Variants in CTDSPL observed in about 807,000 individuals in gnomAD.
The protein encoded by CTDSPL is CTD small phosphatase-like protein.
Under a neutral mutation model 30.5 loss-of-function variants are expected in CTDSPL, and 8 were observed. The observed-to-expected ratio is 0.26, with a 90% CI of 0.15 to 0.47. The LOEUF (loss-of-function observed/expected upper bound fraction) is 0.47, where lower values mean the gene tolerates loss of function less well. Among genes scored for constraint, CTDSPL ranks in the 20% least tolerant of loss-of-function variants. The probability of loss-of-function intolerance (pLI) is 0.99; values close to 1 mark genes in which losing one functional copy is unlikely to be tolerated. For synonymous variants in CTDSPL, 110 were observed against 137.9 expected (o/e 0.80, Z 1.42); for missense variants, 248 against 366.1 (o/e 0.68, Z 2.63).
chr3:37,945,565 G>T (rs1010454224), intron 1 of CTDSPL, among the ~76,000 whole-genome samples: 2 of 152,226 alleles, frequency 1.3e-5, no homozygotes, highest in South Asian at 2.1e-4. Flanking sequence ...TAGGTGGCCC[G>T]CATGCCTGGC....
intron 2 of CTDSPL, among the ~76,000 whole-genome samples, chr3:37,949,850 G>A (rs191555620): frequency 6.6e-6 from 1 of 152,304 alleles, no homozygotes. Context: ...GTGCATTAAG[G>A]CCCCCAGTTT....
At chr3:37,892,790 A>C (rs1175546277) in intron 1 of CTDSPL, among the ~76,000 whole-genome samples, 1 of 152,216 alleles carries the variant, frequency 6.6e-6, no homozygotes, top group Non-Finnish European at 1.5e-5. Flanking sequence ...GGATAGTATA[A>C]GAAAGCTGGA....
chr3:37,980,454 A>G (rs966852327), intron 7 of CTDSPL, among the ~76,000 whole-genome samples: 1 of 152,214 alleles, frequency 6.6e-6, no homozygotes, highest in African/African-American at 2.4e-5. Context: ...GCTAGTTCTC[A>G]TACATTCTAT....
At position 37,975,949 on chromosome 3, in the gene CTDSPL, C is replaced by A. The variant is rs1699422542; in HGVS notation, c.705+55C>A. ...TGCTCCATCTGAGCCCTCTGTCTTG[C>A]CAGGCAGGTACCACTTTTGAGCACC... On this transcript the variant is annotated intron_variant, in intron 7 of 7. Transcript: ENST00000273179. This position sits in a 1 kb window ranked among gnomAD's most constrained non-coding sequence, Gnocchi z 4.9. 6.4e-7 allele frequency: 1 copy of A among 1,564,566 alleles called. No homozygotes were observed. Among genetic ancestry groups the A allele is most frequent in the African/African-American group, 1.4e-5 (1 of 74,008 alleles).
At chr3:37,922,717 G>T (rs564900824) in intron 1 of CTDSPL, among the ~76,000 whole-genome samples, 1 of 152,220 alleles carries the variant, frequency 6.6e-6, no homozygotes, top group Admixed American at 6.5e-5. Flanking sequence ...CTTATTACAT[G>T]ATATTTGTGG....
chr3:37,873,251 G>T (rs1015105236), intron 1 of CTDSPL, among the ~76,000 whole-genome samples: 4 of 152,222 alleles, frequency 2.6e-5, no homozygotes, highest in Non-Finnish European at 4.4e-5. Flanking sequence ...GTAGGTGTGT[G>T]GCGGAAGGGA....
chr3:37,934,187 A>T (rs1698888715), intron 1 of CTDSPL, among the ~76,000 whole-genome samples: 1 of 152,054 alleles, frequency 6.6e-6, no homozygotes. Flanking sequence ...ATTAGCCAGG[A>T]ACAGTGTCAT....
At chr3:37,959,934 T>G (rs1286934044) in intron 3 of CTDSPL, among the ~76,000 whole-genome samples, 2 of 152,188 alleles carry the variant, frequency 1.3e-5, no homozygotes, top group Non-Finnish European at 2.9e-5. Context: ...CCAGGCGCAG[T>G]GGCTCACACC....
intron 1 of CTDSPL, among the ~76,000 whole-genome samples, chr3:37,920,813 G>A (rs978691487): frequency 1.6e-4 from 25 of 151,546 alleles, no homozygotes; most frequent in African/African-American, 5.8e-4. Flanking sequence ...TGTATAGCAT[G>A]AGGCAAATGG....
chr3:37,943,849 G>A (rs1699006671), intron 1 of CTDSPL, among the ~76,000 whole-genome samples: 1 of 150,362 alleles, frequency 6.7e-6, no homozygotes, highest in Non-Finnish European at 1.5e-5. Context: ...AAGCCAGCAG[G>A]AGCGTTCTAC....
Position 37,982,900 on chromosome 3 carries a change from G to A in CTDSPL, c.*2033G>A. 1 of 311,104 alleles carries A rather than the reference G, an allele frequency of 3.2e-6. No individual in the cohort carries two copies. Among genetic ancestry groups the A allele is most frequent in the Non-Finnish European group, 6.4e-6 (1 of 155,704 alleles). The allele number at this position is 311,104 out of a possible 1,614,324, so 19.3% of individuals were successfully genotyped here. A position where few individuals can be genotyped will look rare whatever the true frequency, so the allele number is the denominator to read the frequency against. ...TCCACACAGAATTAGGCCCTAATGA[G>A]AGCCTTAGACCCTCAACCATGCCCC... On this transcript the variant is annotated 3_prime_UTR_variant, in exon 8 of 8. Transcript: ENST00000273179.
chr3:37,962,717 T>A (rs1699256925), intron 3 of CTDSPL, among the ~76,000 whole-genome samples: 1 of 152,216 alleles, frequency 6.6e-6, no homozygotes, highest in Non-Finnish European at 1.5e-5. Flanking sequence ...TTTAGTAGTT[T>A]ATAAACGCAT....
At chr3:37,903,314 T>C (rs988043910) in intron 1 of CTDSPL, among the ~76,000 whole-genome samples, 1 of 151,556 alleles carries the variant, frequency 6.6e-6, no homozygotes, top group African/African-American at 2.4e-5. Flanking sequence ...TCAGGACAAA[T>C]GAGGGAATAT....
At chr3:37,971,626 C>T in intron 6 of CTDSPL, 127 bp downstream of exon 6, 3 of 786,814 alleles carry the variant, frequency 3.8e-6, no homozygotes, top group Admixed American at 2.2e-5. Flanking sequence ...CAGGTTCCCA[C>T]CCCAGATGGG....
chr3:37,969,934 A>G (rs552936146), intron 5 of CTDSPL, among the ~76,000 whole-genome samples: 18 of 152,164 alleles, frequency 1.2e-4, no homozygotes, highest in Non-Finnish European at 2.2e-4. Flanking sequence ...CACACCCAGC[A>G]TGTGGTGCAG....
intron 1 of CTDSPL, among the ~76,000 whole-genome samples, chr3:37,946,722 A>G (rs1400021161): frequency 6.6e-6 from 1 of 152,124 alleles, no homozygotes; most frequent in Non-Finnish European, 1.5e-5. Context: ...CAGGGTGGGA[A>G]TACTTCATCT....
rs866598605 is a variant in CTDSPL at position 37,927,686 on chromosome 3, A to G, written c.80-19371A>G. 4.0e-3 allele frequency among the ~76,000 whole-genome samples: 428 copies of G among 105,992 alleles called. 4 individuals are homozygous for G. Among genetic ancestry groups the G allele is most frequent in the South Asian group, 0.02 (67 of 3,386 alleles). 69.5% of individuals were successfully genotyped at this position (105,992 alleles called of 152,430 possible). ...TGTGTGTGTGTGTGTGTGTATGTGT[A>G]TATATATATATATATATATAAAAAA... On this transcript the variant is annotated intron_variant, in intron 1 of 7. Transcript: ENST00000273179.
At chr3:37,865,558 C>T (rs1697999477) in intron 1 of CTDSPL, among the ~76,000 whole-genome samples, 1 of 152,138 alleles carries the variant, frequency 6.6e-6, no homozygotes, top group African/African-American at 2.4e-5. Flanking sequence ...CTGCAAGTAA[C>T]AGAAAACCAG....
At chr3:37,899,267 A>T (rs1259007911) in intron 1 of CTDSPL, among the ~76,000 whole-genome samples, 1 of 152,204 alleles carries the variant, frequency 6.6e-6, no homozygotes, top group Non-Finnish European at 1.5e-5. Context: ...GAGACTAAAC[A>T]TTCCTGAGGA....
Sources: allele counts gnomAD v4.1 joint callset (sites outside exome capture counted in the v4.1 genomes callset), GRCh38; gene constraint gnomAD v4.1.1; non-coding constraint Gnocchi (gnomAD v3.1); transcripts MANE v1.5; gene names NCBI Gene and HGNC (gene_info 2026-07-23, HGNC 2026-07-21).